The following GARS1 variants were observed in gnomAD, a reference collection of about 807,000 sequenced individuals.
GARS1 encodes the protein glycine--tRNA ligase.
Under a neutral mutation model 86.4 loss-of-function variants are expected in GARS1, and 46 were observed. That is an observed-to-expected ratio of 0.53 (90% CI 0.42 to 0.68). The LOEUF (loss-of-function observed/expected upper bound fraction) is 0.68, where lower values mean the gene tolerates loss of function less well. Ranked by LOEUF, GARS1 falls within the 30% of genes least tolerant of loss-of-function variation. The pLI is 0.00. For synonymous variants in GARS1, 342 were observed against 329.8 expected (o/e 1.04, Z -0.40); for missense variants, 797 against 915.6 (o/e 0.87, Z 1.67).
intron 1 of GARS1, among the ~76,000 whole-genome samples, chr7:30,597,515 C>T (rs1791276253): frequency 1.3e-5 from 2 of 152,288 alleles, no homozygotes; most frequent in South Asian, 4.1e-4. Flanking sequence ...AAGAAGCAGA[C>T]TTTCCACATT....
At chr7:30,597,997 T>C (rs1050863753) in intron 1 of GARS1, among the ~76,000 whole-genome samples, 1 of 152,132 alleles carries the variant, frequency 6.6e-6, no homozygotes, top group Non-Finnish European at 1.5e-5. Flanking sequence ...TCAGAAATAT[T>C]AGCAAGGAAA....
chr7:30,629,288 A>T (rs1454725840), intron 14 of GARS1, among the ~76,000 whole-genome samples: 2 of 152,182 alleles, frequency 1.3e-5, no homozygotes, highest in African/African-American at 4.8e-5. Flanking sequence ...CTAGCATTCA[A>T]GTATTGCTGA....
At chr7:30,603,439 G>A in intron 5 of GARS1, 57 bp from the exon 6 acceptor site, 1 of 1,369,068 alleles carries the variant, frequency 7.3e-7, no homozygotes, top group Non-Finnish European at 1.0e-6. Context: ...CATTGAAACT[G>A]AAAAGTGCAT....
chr7:30,605,961 C>A (rs575481201), intron 6 of GARS1, among the ~76,000 whole-genome samples: 2 of 152,224 alleles, frequency 1.3e-5, no homozygotes, highest in Admixed American at 1.3e-4. Context: ...TATATCTCTT[C>A]CAATCTGTAT....
chr7:30,617,632 G>C (rs1782915994), intron 10 of GARS1, among the ~76,000 whole-genome samples: 1 of 152,206 alleles, frequency 6.6e-6, no homozygotes, highest in Non-Finnish European at 1.5e-5. Context: ...AAATGGTGGA[G>C]AGGTTGAATA....
Position 30,627,011 on chromosome 7 carries a change from T to A in GARS1, c.1699+692T>A, listed in dbSNP as rs1272787722. 3 of 438,752 alleles carry A rather than the reference T, an allele frequency of 6.8e-6. No homozygotes were observed. The East Asian group carries it at 2.2e-4, about 32-fold the overall frequency. 27.2% of individuals were successfully genotyped at this position (438,752 alleles called of 1,614,324 possible). ...AAAAAAAAAAAGTAATTTAGACCAG[T>A]GATGTTGCATGCTTTTTTAAAAGTT... On this transcript the variant is annotated intron_variant, in intron 13 of 16. Coordinates refer to ENST00000389266, the MANE Select transcript of GARS1 (RefSeq NM_002047.4).
chr7:30,615,868 G>A, intron 8 of GARS1, 28 bp from the exon 9 acceptor site: 1 of 1,613,532 alleles, frequency 6.2e-7, no homozygotes, highest in Non-Finnish European at 8.5e-7. Context: ...TAAATATGCA[G>A]GTTTATCGCT....
At chr7:30,618,738 CATA>C (rs1363839468) in intron 10 of GARS1, among the ~76,000 whole-genome samples, 5 of 152,180 alleles carry the variant, frequency 3.3e-5, no homozygotes, top group African/African-American at 9.7e-5. Flanking sequence ...TGCATAAATG[CATA>C]ATAATATGCA....
intron 1 of GARS1, chr7:30,595,764 CT>C: frequency 2.1e-6 from 1 of 471,050 alleles, no homozygotes; most frequent in Non-Finnish European, 4.4e-6. Flanking sequence ...TCGAACTTTT[CT>C]ATTAATGCTG....
intron 14 of GARS1, chr7:30,631,064 CAGAAAGTCTTTTAT>C: frequency 4.8e-6 from 1 of 210,232 alleles, no homozygotes; most frequent in African/African-American, 2.3e-5. Context: ...GTAGTCTCCA[CAGAAAGTCTTTTAT>C]GTGGAACCAA....
At chr7:30,613,946 T>C (rs1782832870) in intron 8 of GARS1, among the ~76,000 whole-genome samples, 1 of 152,188 alleles carries the variant, frequency 6.6e-6, no homozygotes, top group Admixed American at 6.5e-5. Flanking sequence ...CATATGAAGA[T>C]TTTTCTAAAA....
chr7:30,623,412 CAT>C lies in GARS1; in HGVS notation c.1613+951_1613+952del, dbSNP rs1218515406. 7.2e-5 allele frequency among the ~76,000 whole-genome samples: 11 copies of C among 152,128 alleles called. No homozygotes were observed. In the East Asian group the frequency reaches 1.2e-3, roughly 16 times the overall value. ...TATATGTGTAATATGGATATAAACA[CAT>C]GTTTTTTATATATATAAACAACATG... On this transcript the variant is annotated intron_variant, in intron 12 of 16. Transcript: ENST00000389266.
chr7:30,629,641 C>T, intron 14 of GARS1, among the ~76,000 whole-genome samples: 1 of 152,188 alleles, frequency 6.6e-6, no homozygotes, highest in Admixed American at 6.5e-5. Context: ...GAGTTCTCGG[C>T]ACCAGTACTT....
intron 4 of GARS1, among the ~76,000 whole-genome samples, chr7:30,601,700 T>G (rs1379067971): frequency 2.0e-5 from 3 of 152,236 alleles, no homozygotes; most frequent in African/African-American, 7.2e-5. Flanking sequence ...AGATTTTCAG[T>G]TAAATACTAT....
In GARS1 at chr7:30,616,029, A is replaced by T. The variant is rs1333786543; in HGVS notation, c.1165A>T (p.Lys389Ter). Residue 389 changes from lysine (K) to a stop codon, truncating the protein, a stop_gained, in exon 9 of 17, where the codon AAA (lysine) becomes TAA (stop). Transcript: ENST00000389266. LOFTEE classifies it high-confidence loss of function. ...KAQVSGQSAR[K>*]MRLGDAVEQG... ...CCAGGTCAGCGGACAGTCCGCTCGG[A>T]AAATGCGCCTGGGAGATGCTGTTGA... 1 of 1,614,184 alleles carries T rather than the reference A, an allele frequency of 6.2e-7. No homozygotes were observed. The highest frequency in any genetic ancestry group is 1.7e-5 in the Admixed American group (1 of 60,016).
At chr7:30,620,973 A>C (rs1447810621) in intron 10 of GARS1, among the ~76,000 whole-genome samples, 1 of 152,166 alleles carries the variant, frequency 6.6e-6, no homozygotes, top group Admixed American at 6.5e-5. Context: ...AGTTTACCCC[A>C]CAGACTCAGT....
intron 6 of GARS1, among the ~76,000 whole-genome samples, chr7:30,604,519 A>ATT (rs3840588): frequency 6.7e-6 from 1 of 149,956 alleles, no homozygotes; most frequent in African/African-American, 2.4e-5. Context: ...TGTTGTCCTA[A>ATT]TTTTTTTTTT....
In GARS1 at chr7:30,621,002, C is replaced by T. The variant is rs149074122; in HGVS notation, c.1360-391C>T. On this transcript the variant is annotated intron_variant, in intron 10 of 16. Transcript: ENST00000389266. The stretch of plus-strand genomic sequence containing the variant: ...ACTCAGTATAACAATATAAATCCAT[C>T]CAGAAAGGAAGACTACTTTGTGTAC... Among the ~76,000 whole-genome samples the T allele has an allele frequency of 7.9e-5, 12 of 152,126 alleles. No homozygotes were observed. The East Asian group carries it at 2.1e-3, about 27-fold the overall frequency.
intron 10 of GARS1, 91 bp from the exon 11 acceptor site, chr7:30,621,302 A>G: frequency 4.0e-6 from 4 of 1,003,642 alleles, no homozygotes; most frequent in Non-Finnish European, 6.3e-6. Flanking sequence ...CATTGAATAT[A>G]TGAAAGGTTT....
Sources: gnomAD v4.1 joint callset for allele counts (sites outside exome capture counted in the v4.1 genomes callset) on GRCh38, gnomAD v4.1.1 for gene constraint, MANE v1.5 for transcripts, NCBI Gene and HGNC (gene_info 2026-07-23, HGNC 2026-07-21) for gene names.